IP6K2: variants seen among roughly 807,000 people sequenced by gnomAD.
IP6K2 encodes inositol hexakisphosphate kinase 2.
IP6K2 carries 9 observed loss-of-function variants against 43.3 expected under a neutral mutation model. The ratio of observed to expected loss-of-function variants is 0.21; its 90% CI spans 0.13 to 0.36. The LOEUF is 0.36. IP6K2 is among the 10% of genes least tolerant of loss of function. The pLI, the probability that IP6K2 is intolerant of heterozygous loss-of-function variation, is 1.00. For synonymous variants in IP6K2, 209 were observed against 202.4 expected (o/e 1.03, Z -0.28); for missense variants, 332 against 538.4 (o/e 0.62, Z 3.79).
At chr3:48,694,470 A>T in intron 2 of IP6K2, 1 of 1,549,178 alleles carries the variant, frequency 6.5e-7, no homozygotes, top group Non-Finnish European at 8.7e-7. Context: ...TGATTTACAA[A>T]AGACTCCCCC....
intron 1 of IP6K2, among the ~76,000 whole-genome samples, chr3:48,707,082 A>G (rs181647123): frequency 3.3e-5 from 5 of 152,324 alleles, no homozygotes; most frequent in African/African-American, 9.6e-5. Context: ...AGCTTCAGAC[A>G]CCACAAAACC....
At chr3:48,714,847 C>CAAAAAA (rs61218247) in intron 1 of IP6K2, among the ~76,000 whole-genome samples, 1 of 100,050 alleles carries the variant, frequency 1.0e-5, no homozygotes, top group Non-Finnish European at 1.9e-5. Context: ...GACTCCGTCT[C>CAAAAAA]AAAAAAAAAA....
At chr3:48,705,292 A>C (rs1311334306) in intron 1 of IP6K2, among the ~76,000 whole-genome samples, 2 of 151,754 alleles carry the variant, frequency 1.3e-5, no homozygotes, top group African/African-American at 2.4e-5. Context: ...ACTGGCCTCA[A>C]GTGATCTGCC....
intron 2 of IP6K2, 95 bp from the exon 3 acceptor site, chr3:48,693,274 T>C: frequency 8.2e-7 from 1 of 1,215,810 alleles, no homozygotes; most frequent in Non-Finnish European, 1.2e-6. Flanking sequence ...TCTTACCCAG[T>C]TCCTTAGTCT....
At chr3:48,689,477 A>C (rs2077587793) in intron 5 of IP6K2, 61 bp downstream of exon 5, 2 of 1,535,074 alleles carry the variant, frequency 1.3e-6, no homozygotes, top group Non-Finnish European at 1.8e-6. Flanking sequence ...AAACAGGACT[A>C]TACCAGGGTG....
At chr3:48,709,960 A>C (rs1218268511) in intron 1 of IP6K2, among the ~76,000 whole-genome samples, 2 of 152,240 alleles carry the variant, frequency 1.3e-5, no homozygotes, top group Non-Finnish European at 2.9e-5. Context: ...AATAAGATCC[A>C]GAAAAATATT....
chr3:48,695,252 C>A lies in IP6K2; in HGVS notation c.40G>T (p.Ala14Ser). Residue 14 changes from alanine to serine, a missense_variant, in exon 2 of 6, where the codon GCC (alanine) becomes TCC (serine). Transcript: ENST00000328631. This position sits in a 1 kb window ranked among gnomAD's most constrained non-coding sequence, Gnocchi z 4.6. ...AFRAMDVEPR[A>S]KGVLLEPFVH... Reference sequence around the variant, plus strand: ...AAGGGCTCCAGAAGGACGCCTTTGGCGCGGGGCTCCACATCCATGGCCCTG... The same window carrying A: ...AAGGGCTCCAGAAGGACGCCTTTGGAGCGGGGCTCCACATCCATGGCCCTG... 6.3e-7 allele frequency: 1 copy of A among 1,581,766 alleles called. No homozygotes were observed.
chr3:48,710,445 G>A (rs2080351578), intron 1 of IP6K2, among the ~76,000 whole-genome samples: 1 of 152,106 alleles, frequency 6.6e-6, no homozygotes, highest in African/African-American at 2.4e-5. Context: ...AGGTCAACAA[G>A]GTACTTCCAG....
rs1336717803 is a variant in IP6K2 at position 48,688,831 on chromosome 3, G to A, written c.781-58C>T. 115 of 1,538,590 alleles carry A rather than the reference G, an allele frequency of 7.5e-5. No homozygotes were observed. In the East Asian group the frequency reaches 2.0e-3, roughly 27 times the overall value. ...AGGGCCATCTCAAACCCTGGACCCC[G>A]GGCGGGGGTGGGGTGGTGTGGTGGT... On this transcript the variant is annotated intron_variant, in intron 5 of 5. Transcript: ENST00000328631. The surrounding 1 kb of genome is among the most constrained non-coding windows in gnomAD (Gnocchi z 5.1).
Position 48,688,296 on chromosome 3 carries a change from T to C in IP6K2, c.1258A>G (p.Ile420Val). 2.5e-6 allele frequency: 4 copies of C among 1,614,044 alleles called. No homozygotes were observed. Among genetic ancestry groups the C allele is most frequent in the Non-Finnish European group, 2.5e-6 (3 of 1,179,928 alleles). ...GCTCACTCCCCACTCTCCTCACTTA[T>C]CTCTGTGACAATGTCTATCAGGCTC... The part of the protein sequence containing the change: ...LQSLIDIVTE[I>V]SEESGE Residue 420 changes from isoleucine (I) to valine (V), a missense_variant, in exon 6 of 6, where the codon ATA becomes GTA. Physicochemically the swap from Ile to Val is conservative, Grantham distance 29. Transcript: ENST00000328631. The surrounding 1 kb of genome is among the most constrained non-coding windows in gnomAD (Gnocchi z 5.1).
Position 48,688,197 on chromosome 3 carries a change from C to G in IP6K2, c.*76G>C, listed in dbSNP as rs1032898025. ...CTGCAGGAGCCACCACCTGGCCATA[C>G]TGGCTTCCTCCCTGACGCAGCACAG... is the stretch of plus-strand genomic sequence containing the variant. On this transcript the variant is annotated 3_prime_UTR_variant, in exon 6 of 6. Coordinates refer to ENST00000328631, the MANE Select transcript of IP6K2 (RefSeq NM_016291.4). This position sits in a 1 kb window ranked among gnomAD's most constrained non-coding sequence, Gnocchi z 5.1. The G allele has an allele frequency of 2.6e-6, 4 of 1,538,156 alleles. No homozygotes were observed. In the African/African-American group the frequency reaches 5.4e-5, roughly 21 times the overall value.
chr3:48,713,527 G>A (rs2080801793), intron 1 of IP6K2, among the ~76,000 whole-genome samples: 1 of 152,238 alleles, frequency 6.6e-6, no homozygotes, highest in African/African-American at 2.4e-5. Flanking sequence ...AGAGCCAGAT[G>A]TCTGCTTCTT....
intron 2 of IP6K2, chr3:48,693,482 T>C (rs1185485660): frequency 7.6e-7 from 1 of 1,313,500 alleles, no homozygotes; most frequent in African/African-American, 1.5e-5. Context: ...TTAATTTTTA[T>C]GTAATTCTTC....
At chr3:48,707,355 C>T (rs1439511740) in intron 1 of IP6K2, among the ~76,000 whole-genome samples, 1 of 152,200 alleles carries the variant, frequency 6.6e-6, no homozygotes, top group African/African-American at 2.4e-5. Flanking sequence ...GAATAACAAC[C>T]ACAACACCAC....
chr3:48,693,021 CATG>C lies in IP6K2; in HGVS notation c.358_360del (p.His120del), dbSNP rs1458520821. 1.5e-5 allele frequency: 24 copies of C among 1,614,254 alleles called. No homozygotes were observed. In the Middle Eastern group the frequency reaches 6.6e-4, roughly 44 times the overall value. ...TTAGGGGTCTTTTCTGTTTCTAAGA[CATG>C]ATGTTTTTTGTTTGTTGTCCACCTT... On this transcript the variant is annotated inframe_deletion, in exon 3 of 6. Transcript: ENST00000328631.
chr3:48,697,431 T>G (rs1247081420), intron 1 of IP6K2, among the ~76,000 whole-genome samples: 1 of 150,610 alleles, frequency 6.6e-6, no homozygotes, highest in Non-Finnish European at 1.5e-5. Flanking sequence ...TCTCATGCGA[T>G]TCTCCTGCCA....
Position 48,688,420 on chromosome 3 carries a change from A to C in IP6K2, c.1134T>G (p.Asp378Glu), listed in dbSNP as rs781760039. 126 of 1,614,190 alleles carry C rather than the reference A, an allele frequency of 7.8e-5. 1 individual carries two copies. Among genetic ancestry groups the C allele is most frequent in the Non-Finnish European group, 1.0e-4 (120 of 1,180,024 alleles). ...AYKPIGASSV[D>E]VRMIDFAHTT... ...TGTGTGCAAAGTCGATCATGCGCAC[A>C]TCTACAGAGCTGGCGCCGATGGGTT... The change falls in exon 6 of 6, where the codon GAT becomes GAG. Residue 378 changes from aspartate (D) to glutamate (E), a missense_variant. By Grantham distance (45) the Asp-to-Glu change is conservative. Coordinates refer to ENST00000328631, the MANE Select transcript of IP6K2 (RefSeq NM_016291.4). The surrounding 1 kb of genome is among the most constrained non-coding windows in gnomAD (Gnocchi z 5.1).
At chr3:48,710,917 GTTTT>G (rs533043253) in intron 1 of IP6K2, among the ~76,000 whole-genome samples, 1 of 151,936 alleles carries the variant, frequency 6.6e-6, no homozygotes, top group Non-Finnish European at 1.5e-5. Flanking sequence ...CCTTGTTTTT[GTTTT>G]TTTAACACAG....
At chr3:48,697,039 G>C (rs926238641) in intron 1 of IP6K2, among the ~76,000 whole-genome samples, 1 of 102,312 alleles carries the variant, frequency 9.8e-6, no homozygotes. Context: ...TTTTTTTTTG[G>C]AGATGGAGTC....
Sources: gnomAD v4.1 joint callset for allele counts (sites outside exome capture counted in the v4.1 genomes callset) on GRCh38, gnomAD v4.1.1 for gene constraint, Gnocchi (gnomAD v3.1) non-coding constraint, MANE v1.5 for transcripts, NCBI Gene and HGNC (gene_info 2026-07-23, HGNC 2026-07-21) for gene names.